Variants in RARB observed in about 807,000 individuals in gnomAD.
The protein encoded by RARB is retinoic acid receptor beta.
RARB carries 17 observed loss-of-function variants against 51.9 expected under a neutral mutation model. The ratio of observed to expected loss-of-function variants is 0.33; its 90% CI spans 0.22 to 0.49. The LOEUF is 0.49. Ranked by LOEUF, RARB falls within the 20% of genes least tolerant of loss-of-function variation. The pLI is 0.99. For synonymous variants in RARB, 215 were observed against 195.4 expected, an observed-to-expected ratio of 1.10 and a Z score of -0.84; for missense variants, 369 against 550.8, an observed-to-expected ratio of 0.67 and a Z score of 3.30.
intron 5 of RARB, among the ~76,000 whole-genome samples, chr3:25,222,085 C>T (rs1433170038): frequency 3.9e-5 from 6 of 152,128 alleles, no homozygotes; most frequent in South Asian, 2.1e-4. Context: ...ACATCACTGG[C>T]GTGACCTGTC....
intron 1 of RARB, among the ~76,000 whole-genome samples, chr3:25,443,717 A>G (rs962077416): frequency 2.0e-5 from 3 of 152,046 alleles, no homozygotes; most frequent in African/African-American, 4.8e-5. Context: ...AGATCACCTG[A>G]GCTCAGGAGT....
At chr3:25,049,418 T>C (rs1197119890) in intron 2 of RARB, among the ~76,000 whole-genome samples, 2 of 152,238 alleles carry the variant, frequency 1.3e-5, no homozygotes, top group African/African-American at 4.8e-5. Context: ...GTAGAATATG[T>C]ATGCTTTTGC....
At chr3:24,971,377 T>C (rs1276993735) in intron 2 of RARB, among the ~76,000 whole-genome samples, 3 of 152,046 alleles carry the variant, frequency 2.0e-5, no homozygotes, top group African/African-American at 7.2e-5. Flanking sequence ...CAAAATCATG[T>C]ATGTAGTGTT....
At chr3:25,300,413 G>A (rs530128750) in intron 5 of RARB, among the ~76,000 whole-genome samples, 16 of 152,284 alleles carry the variant, frequency 1.1e-4, no homozygotes, top group Admixed American at 9.2e-4. Flanking sequence ...TCTAGTCTCT[G>A]AATCATTAAC....
intron 2 of RARB, among the ~76,000 whole-genome samples, chr3:24,928,168 G>A (rs1197067546): frequency 6.6e-6 from 1 of 151,904 alleles, no homozygotes; most frequent in Non-Finnish European, 1.5e-5. Flanking sequence ...AAGTCAGCAG[G>A]TATAAAGTCA....
At chr3:25,089,877 A>G (rs1434584724) in intron 3 of RARB, among the ~76,000 whole-genome samples, 1 of 152,160 alleles carries the variant, frequency 6.6e-6, no homozygotes, top group Non-Finnish European at 1.5e-5. Context: ...ATTAAGAGAA[A>G]GACAGTTCCC....
chr3:25,240,796 TTTG>T (rs1347243775), intron 5 of RARB, among the ~76,000 whole-genome samples: 4 of 152,162 alleles, frequency 2.6e-5, no homozygotes, highest in Non-Finnish European at 5.9e-5. Context: ...AGTTTTCTTT[TTTG>T]TTGTTGTGTC....
chr3:25,103,015 A>G (rs1459855215), intron 3 of RARB, among the ~76,000 whole-genome samples: 2 of 152,208 alleles, frequency 1.3e-5, no homozygotes, highest in Non-Finnish European at 2.9e-5. Flanking sequence ...GCGCCACTGC[A>G]CTAGAACTGC....
At chr3:25,027,648 A>C (rs569094884) in intron 2 of RARB, among the ~76,000 whole-genome samples, 116 of 151,918 alleles carry the variant, frequency 7.6e-4, no homozygotes, top group Non-Finnish European at 1.5e-3. Context: ...TGACACTAAT[A>C]TATAGTTAGC....
intron 3 of RARB, among the ~76,000 whole-genome samples, chr3:25,549,438 A>G (rs1446656869): frequency 6.6e-6 from 1 of 152,142 alleles, no homozygotes; most frequent in African/African-American, 2.4e-5. Flanking sequence ...GACTCGGCCA[A>G]ATTGGTAGAG....
intron 2 of RARB, among the ~76,000 whole-genome samples, chr3:24,979,628 A>G (rs1301633234): frequency 6.6e-6 from 1 of 150,636 alleles, no homozygotes; most frequent in Non-Finnish European, 1.5e-5. Context: ...TTTGCTTGAT[A>G]GATCTTCCTC....
intron 5 of RARB, among the ~76,000 whole-genome samples, chr3:25,355,355 C>T (rs753379600): frequency 6.6e-6 from 1 of 152,022 alleles, no homozygotes; most frequent in African/African-American, 2.4e-5. Flanking sequence ...GCAGGGTTTT[C>T]CTTGGCTGAT....
At chr3:24,989,768 G>GTTT (rs1696869838) in intron 2 of RARB, among the ~76,000 whole-genome samples, 1 of 38,818 alleles carries the variant, frequency 2.6e-5, no homozygotes, top group Middle Eastern at 0.014. Flanking sequence ...GTTGTCATAT[G>GTTT]TTTTTCTTTT....
At chr3:25,103,527 G>A (rs763959526) in intron 3 of RARB, among the ~76,000 whole-genome samples, 6 of 152,176 alleles carry the variant, frequency 3.9e-5, no homozygotes, top group Admixed American at 2.0e-4. Context: ...TTTTAAAAGC[G>A]TACTAATTCA....
chr3:24,905,261 T>C (rs115108091), intron 2 of RARB, among the ~76,000 whole-genome samples: 2,075 of 152,300 alleles, frequency 0.014, 51 homozygotes, highest in African/African-American at 0.048. Context: ...GTTTGTGATA[T>C]GGTAGTTTCA....
intron 2 of RARB, among the ~76,000 whole-genome samples, chr3:24,866,420 C>A (rs377507784): frequency 6.6e-6 from 1 of 152,126 alleles, no homozygotes; most frequent in Non-Finnish European, 1.5e-5. Context: ...GGGAAAGAAG[C>A]TAATGACCCG....
At chr3:25,253,484 A>G (rs1341408122) in intron 5 of RARB, among the ~76,000 whole-genome samples, 1 of 152,144 alleles carries the variant, frequency 6.6e-6, no homozygotes, top group Non-Finnish European at 1.5e-5. Flanking sequence ...TCCACATACT[A>G]GGTTTTCTAG....
At chr3:25,009,344 A>AT (rs547927559) in intron 2 of RARB, among the ~76,000 whole-genome samples, 15 of 152,024 alleles carry the variant, frequency 9.9e-5, no homozygotes, top group Admixed American at 2.6e-4. Context: ...CATACATGTC[A>AT]TTTTTTTTAC....
intron 2 of RARB, among the ~76,000 whole-genome samples, chr3:25,468,406 C>T (rs1006314100): frequency 2.4e-5 from 3 of 125,782 alleles, no homozygotes; most frequent in Non-Finnish European, 4.8e-5. Context: ...TAACCCATAG[C>T]GCTTTTATTT....
Sources: gnomAD v4.1 joint callset for allele counts (sites outside exome capture counted in the v4.1 genomes callset) on GRCh38, gnomAD v4.1.1 for gene constraint, MANE v1.5 for transcripts, NCBI Gene and HGNC (gene_info 2026-07-23, HGNC 2026-07-21) for gene names.